The following IMPA2 variants were observed in gnomAD, a reference collection of about 807,000 sequenced individuals.
IMPA2 encodes the protein inositol monophosphatase 2.
A neutral mutation model predicts 35.1 loss-of-function variants in IMPA2; 32 were observed. The ratio of observed to expected loss-of-function variants is 0.91; its 90% CI spans 0.69 to 1.23. The LOEUF (loss-of-function observed/expected upper bound fraction) is 1.23. Among genes scored for constraint, IMPA2 ranks in the 50% most tolerant of loss-of-function variants. The probability of loss-of-function intolerance (pLI) is 0.00; values close to 1 mark genes in which losing one functional copy is unlikely to be tolerated. For missense variants in IMPA2, 334 were observed against 387.6 expected (o/e 0.86, Z 1.16); for synonymous variants, 135 against 160.6 (o/e 0.84, Z 1.20).
chr18:11,997,215 G>A (rs951749672), intron 1 of IMPA2, among the ~76,000 whole-genome samples: 1 of 152,252 alleles, frequency 6.6e-6, no homozygotes, highest in African/African-American at 2.4e-5. Context: ...CACATGTGAG[G>A]AGTGTGAGAT....
intron 2 of IMPA2, among the ~76,000 whole-genome samples, chr18:12,006,009 G>T (rs1311416153): frequency 2.0e-5 from 3 of 152,156 alleles, no homozygotes; most frequent in Non-Finnish European, 4.4e-5. Context: ...AGCTTTCGTA[G>T]TTGCTCCTTG....
chr18:12,018,777 T>C (rs1907650081), intron 5 of IMPA2, among the ~76,000 whole-genome samples: 1 of 152,216 alleles, frequency 6.6e-6, no homozygotes, highest in Non-Finnish European at 1.5e-5. Context: ...GATTCTCATA[T>C]CTGCTTCTGC....
chr18:11,985,873 G>A (rs545824332), intron 1 of IMPA2, among the ~76,000 whole-genome samples: 10 of 152,260 alleles, frequency 6.6e-5, no homozygotes, highest in Non-Finnish European at 1.2e-4. Context: ...CTGTATCCAC[G>A]CCAGTGCCAC....
At position 11,981,653 on chromosome 18, in the gene IMPA2, G is replaced by A. The variant is rs555486574; in HGVS notation, c.-17G>A. 5.2e-4 allele frequency: 636 copies of A among 1,227,996 alleles called. 1 individual carries two copies. The African/African-American group carries it at 8.1e-3, about 16-fold the overall frequency. The allele number at this position is 1,227,996 out of a possible 1,614,324, so 76.1% of individuals were successfully genotyped here. A position where few individuals can be genotyped will look rare whatever the true frequency, so the allele number is the denominator to read the frequency against. ...CGCCGAGGGGGGCTGGAGGTGGAGG[G>A]GCCCGGCGAGGCCGCGATGAAGCCG... On this transcript the variant is annotated 5_prime_UTR_variant, in exon 1 of 8. Coordinates refer to ENST00000269159, the MANE Select transcript of IMPA2 (RefSeq NM_014214.3).
In IMPA2 at chr18:12,029,121, T is replaced by G. The variant is rs559512020; in HGVS notation, c.751+128T>G. On this transcript the variant is annotated intron_variant, in intron 7 of 7. Coordinates refer to ENST00000269159, the MANE Select transcript of IMPA2 (RefSeq NM_014214.3). The stretch of plus-strand genomic sequence containing the variant: ...CCCAGAGTTTCTGTTTTTTTTTTTT[T>G]TTTTTTTTTTTTGAGACGGGGTCTT... 121 of 916,448 alleles carry G rather than the reference T, an allele frequency of 1.3e-4. 1 individual carries two copies. In the Middle Eastern group the frequency reaches 1.8e-3, roughly 14 times the overall value. The allele number at this position is 916,448 out of a possible 1,614,324, so 56.8% of individuals were successfully genotyped here.
At chr18:11,986,558 C>T (rs2360082) in intron 1 of IMPA2, among the ~76,000 whole-genome samples, 21,670 of 152,158 alleles carry the variant, frequency 0.14, 1,977 homozygotes, top group South Asian at 0.28. Context: ...GCTCTGGACC[C>T]GTGTCCCCAC....
chr18:12,008,334 T>C (rs1264967591), intron 2 of IMPA2: 1 of 518,746 alleles, frequency 1.9e-6, no homozygotes, highest in Non-Finnish European at 3.8e-6. Context: ...TCTCTGCAGG[T>C]CTCCTTTTTC....
chr18:11,981,812 G>A (rs1035768817), intron 1 of IMPA2, 47 bp downstream of exon 1: 2 of 1,174,662 alleles, frequency 1.7e-6, no homozygotes, highest in Non-Finnish European at 1.1e-6. Context: ...GCAGAAGCGC[G>A]TGGGCCTTGG....
intron 5 of IMPA2, among the ~76,000 whole-genome samples, chr18:12,016,566 C>T (rs1056094020): frequency 3.9e-5 from 6 of 152,036 alleles, no homozygotes; most frequent in East Asian, 1.9e-4. Flanking sequence ...ATTACAGGTG[C>T]GCACCACCAC....
intron 2 of IMPA2, among the ~76,000 whole-genome samples, chr18:12,003,542 T>C (rs979596466): frequency 4.0e-5 from 6 of 151,646 alleles, no homozygotes; most frequent in African/African-American, 9.7e-5. Context: ...TCCCAGCTAC[T>C]TGGAAGGTTG....
At chr18:11,984,254 C>G (rs969643102) in intron 1 of IMPA2, among the ~76,000 whole-genome samples, 4 of 152,236 alleles carry the variant, frequency 2.6e-5, no homozygotes, top group African/African-American at 9.6e-5. Flanking sequence ...CTCCATGCTT[C>G]TGTGCCACTC....
intron 5 of IMPA2, among the ~76,000 whole-genome samples, chr18:12,015,594 A>G (rs915180624): frequency 2.6e-5 from 4 of 152,202 alleles, no homozygotes; most frequent in Non-Finnish European, 4.4e-5. Flanking sequence ...AGCCCAGAGC[A>G]GGGGAAGGGA....
chr18:12,027,748 ATT>A (rs74911212), intron 5 of IMPA2, among the ~76,000 whole-genome samples: 5 of 136,360 alleles, frequency 3.7e-5, no homozygotes, highest in Admixed American at 7.3e-5. Context: ...GCTACTTTTA[ATT>A]TTTTTTTTTT....
intron 1 of IMPA2, among the ~76,000 whole-genome samples, chr18:11,996,542 C>A (rs945147844): frequency 1.3e-5 from 2 of 152,092 alleles, no homozygotes; most frequent in Admixed American, 6.5e-5. Context: ...GGGTTCAGAA[C>A]CCACCACCAC....
chr18:11,983,803 G>A lies in IMPA2; in HGVS notation c.96+2038G>A, dbSNP rs75061481. Reference sequence around the variant, plus strand: ...CTGCTGGGACAAACAGAAGCCACACGAGGTCATCGGAACCTGTGTAAAGAG... The same window carrying A: ...CTGCTGGGACAAACAGAAGCCACACAAGGTCATCGGAACCTGTGTAAAGAG... On this transcript the variant is annotated intron_variant, in intron 1 of 7. Coordinates refer to ENST00000269159, the MANE Select transcript of IMPA2 (RefSeq NM_014214.3). Among the ~76,000 whole-genome samples, 1,380 of 152,164 alleles carry A rather than the reference G, an allele frequency of 9.1e-3. 16 individuals carry two copies. The highest frequency in any genetic ancestry group is 0.03 in the African/African-American group (1,251 of 41,512).
At chr18:11,997,220 TGA>T (rs1906986127) in intron 1 of IMPA2, among the ~76,000 whole-genome samples, 1 of 152,138 alleles carries the variant, frequency 6.6e-6, no homozygotes, top group South Asian at 2.1e-4. Context: ...GTGAGGAGTG[TGA>T]GATTCACAGA....
intron 2 of IMPA2, chr18:12,008,686 C>T (rs1907347980): frequency 2.0e-5 from 8 of 390,860 alleles, no homozygotes; most frequent in South Asian, 5.6e-5. Context: ...GTGCATGGGG[C>T]GAGAGTGCTT....
At chr18:11,990,554 C>G (rs546334754) in intron 1 of IMPA2, among the ~76,000 whole-genome samples, 1 of 152,120 alleles carries the variant, frequency 6.6e-6, no homozygotes, top group African/African-American at 2.4e-5. Context: ...GTGTGGAGGG[C>G]AGAATTGCAG....
intron 7 of IMPA2, among the ~76,000 whole-genome samples, chr18:12,029,831 T>C (rs1389827498): frequency 1.3e-5 from 2 of 152,202 alleles, no homozygotes; most frequent in African/African-American, 4.8e-5. Flanking sequence ...CTGTTTCATA[T>C]CCCTCAGGAA....
Sources: gnomAD v4.1 joint callset for allele counts (sites outside exome capture counted in the v4.1 genomes callset) on GRCh38, gnomAD v4.1.1 for gene constraint, MANE v1.5 for transcripts, NCBI Gene and HGNC (gene_info 2026-07-23, HGNC 2026-07-21) for gene names.